KCNA3: variants seen among roughly 807,000 people sequenced by gnomAD.
The protein encoded by KCNA3 is potassium voltage-gated channel subfamily A member 3, also known as RP11-284N8.3.
KCNA3 carries 18 observed loss-of-function variants against 34.3 expected under a neutral mutation model. The ratio of observed to expected loss-of-function variants is 0.52; its 90% CI spans 0.36 to 0.78. KCNA3 has a LOEUF of 0.78. KCNA3 is among the 30% of genes least tolerant of loss of function. The pLI, the probability that KCNA3 is intolerant of heterozygous loss-of-function variation, is 0.00. For missense variants in KCNA3, 587 were observed against 802.5 expected, an observed-to-expected ratio of 0.73 and a Z score of 3.24; for synonymous variants, 324 against 351.7, an observed-to-expected ratio of 0.92 and a Z score of 0.88.
rs765276105 is a variant in KCNA3 at position 110,672,861 on chromosome 1, G to T, written c.*221C>A. 6 of 547,274 alleles carry T rather than the reference G, an allele frequency of 1.1e-5. No homozygotes were observed. The South Asian group carries it at 1.3e-4, about 12-fold the overall frequency. The allele number at this position is 547,274 out of a possible 1,614,324, so 33.9% of individuals were successfully genotyped here. On this transcript the variant is annotated 3_prime_UTR_variant, in exon 1 of 1. Transcript: ENST00000369769. ...TTGTTTACAATGTTAAGAGAGAGAG[G>T]GTAAGAGGGAAAAGGAGAGCTGAGA...
At chr1:110,654,835 G>A in the KCNA3 span, 1 of 152,048 alleles carries the variant, frequency 6.6e-6, no homozygotes, top group South Asian at 2.1e-4. Context: ...CCATTTATTG[G>A]CCATATTATC....
chr1:110,674,593 G>A lies in KCNA3; in HGVS notation c.217C>T (p.Pro73Ser), dbSNP rs539967729. 1.3e-4 allele frequency: 209 copies of A among 1,569,570 alleles called. 1 individual carries two copies. In the South Asian group the frequency reaches 2.3e-3, roughly 17 times the overall value. ...EPEVADGGGA[P>S]PQGGCGGGGC... ...CCGCCGCCACAGCCGCCTTGAGGCG[G>A]GGCCCCTCCACCATCGGCCACCTCC... Residue 73 changes from proline (P) to serine (S), a missense_variant, in exon 1 of 1, where the codon CCG becomes TCG. This residue lies in a region of KCNA3 where 341 missense variants were observed against 355.4 expected (regional missense o/e 0.96). Transcript: ENST00000369769. This position sits in a 1 kb window ranked among gnomAD's most constrained non-coding sequence, Gnocchi z 6.4.
chr1:110,662,570 A>G, the KCNA3 span, among the ~76,000 whole-genome samples: 5 of 152,186 alleles, frequency 3.3e-5, no homozygotes, highest in African/African-American at 1.2e-4. Context: ...TACCAAGTAA[A>G]TGGTAATGAA....
At chr1:110,660,925 G>A in the KCNA3 span, among the ~76,000 whole-genome samples, 2 of 152,294 alleles carry the variant, frequency 1.3e-5, no homozygotes, top group Non-Finnish European at 2.9e-5. Flanking sequence ...ACCCTGGGTA[G>A]TGTCTGACAC....
chr1:110,659,894 T>G, the KCNA3 span, among the ~76,000 whole-genome samples: 1 of 125,682 alleles, frequency 8.0e-6, no homozygotes, highest in Non-Finnish European at 1.6e-5. Context: ...ATGAGATCAC[T>G]CGGACACAAG....
At chr1:110,661,304 A>G in the KCNA3 span, among the ~76,000 whole-genome samples, 15 of 152,246 alleles carry the variant, frequency 9.9e-5, no homozygotes, top group Admixed American at 9.8e-4. Flanking sequence ...TTAACTATCT[A>G]TTGAAATTTT....
At chr1:110,659,422 CAT>C in the KCNA3 span, among the ~76,000 whole-genome samples, 5 of 152,116 alleles carry the variant, frequency 3.3e-5, no homozygotes, top group African/African-American at 1.2e-4. Context: ...TTGTTAGAGA[CAT>C]ATTATTTAAT....
At chr1:110,669,392 A>G (rs1330241072), downstream of KCNA3, among the ~76,000 whole-genome samples, 6 of 152,206 alleles carry the variant, frequency 3.9e-5, no homozygotes, top group Admixed American at 6.5e-5. Context: ...TAAACCAACT[A>G]TAAGAAAATA....
chr1:110,673,055 A>G lies in KCNA3; in HGVS notation c.*27T>C. On this transcript the variant is annotated 3_prime_UTR_variant, in exon 1 of 1. Transcript: ENST00000369769. The surrounding 1 kb of genome is among the most constrained non-coding windows in gnomAD (Gnocchi z 8.8). Reference sequence around the variant, plus strand: ...AGGGGGCACGTTCCACACAATACTGAGCACAGCATGTCACTTGTATCACAT... The same window carrying G: ...AGGGGGCACGTTCCACACAATACTGGGCACAGCATGTCACTTGTATCACAT... 5.0e-6 allele frequency: 8 copies of G among 1,584,192 alleles called. No individual in the cohort carries two copies. Among genetic ancestry groups the G allele is most frequent in the Non-Finnish European group, 6.9e-6 (8 of 1,163,948 alleles).
Position 110,674,270 on chromosome 1 carries a change from G to A in KCNA3, c.540C>T (p.Phe180=). 1 of 1,614,150 alleles carries A rather than the reference G, an allele frequency of 6.2e-7. No individual in the cohort carries two copies. The highest frequency in any genetic ancestry group is 8.5e-7 in the Non-Finnish European group (1 of 1,180,018). ...RRPVNVPIDI[F]SEEIRFYQLG... Reference sequence around the variant, plus strand: ...GCTGGTAGAAGCGGATCTCCTCGGAGAAAATGTCGATGGGCACGTTGACCG... The same window carrying A: ...GCTGGTAGAAGCGGATCTCCTCGGAAAAAATGTCGATGGGCACGTTGACCG... The change falls in exon 1 of 1, where the codon TTC becomes TTT. Residue 180 remains phenylalanine (F), a synonymous_variant. Transcript: ENST00000369769. The surrounding 1 kb of genome is among the most constrained non-coding windows in gnomAD (Gnocchi z 6.4).
the KCNA3 span, chr1:110,655,347 T>G: frequency 6.6e-6 from 1 of 152,058 alleles, no homozygotes; most frequent in South Asian, 2.1e-4. Context: ...AACTAAATAC[T>G]TAACCCCATC....
Position 110,674,375 on chromosome 1 carries a change from G to C in KCNA3, c.435C>G (p.Asn145Lys). 1.2e-6 allele frequency: 2 copies of C among 1,614,168 alleles called. No homozygotes were observed. The highest frequency in any genetic ancestry group is 1.7e-6 in the Non-Finnish European group (2 of 1,180,022). ...GCCGGTTGCGGTCGAAGAAGTACTCGTTGCGGAGCGGGTCGAAGTACCTCA... is the reference window on the plus strand; with the variant it reads ...GCCGGTTGCGGTCGAAGAAGTACTCCTTGCGGAGCGGGTCGAAGTACCTCA... ...RRMRYFDPLRNEYFFDRNRPS... is the reference protein window; with the variant it reads ...RRMRYFDPLRKEYFFDRNRPS... The change falls in exon 1 of 1, where the codon AAC becomes AAG. Residue 145 changes from asparagine (N) to lysine (K), a missense_variant. By Grantham distance (94) the Asn-to-Lys change is moderately conservative (BLOSUM62 0). This residue lies in a region of KCNA3 where 341 missense variants were observed against 355.4 expected (regional missense o/e 0.96). Transcript: ENST00000369769. This position sits in a 1 kb window ranked among gnomAD's most constrained non-coding sequence, Gnocchi z 6.4.
the KCNA3 span, chr1:110,654,037 T>G: frequency 6.6e-6 from 1 of 152,186 alleles, no homozygotes; most frequent in Non-Finnish European, 1.5e-5. Flanking sequence ...ACTGTTGACT[T>G]ACAAGGGAAA....
At chr1:110,669,706 G>A (rs575226848), downstream of KCNA3, among the ~76,000 whole-genome samples, 2 of 152,250 alleles carry the variant, frequency 1.3e-5, no homozygotes, top group African/African-American at 2.4e-5. Context: ...TGAAGTCTTA[G>A]GGAAATCACT....
downstream of KCNA3, among the ~76,000 whole-genome samples, chr1:110,671,206 G>A (rs1216429895): frequency 1.3e-5 from 2 of 152,118 alleles, no homozygotes; most frequent in Non-Finnish European, 2.9e-5. Context: ...TAAAAGGAAC[G>A]GAATAATTTT....
At chr1:110,670,282 T>C (rs1332962262), downstream of KCNA3, among the ~76,000 whole-genome samples, 1 of 152,228 alleles carries the variant, frequency 6.6e-6, no homozygotes, top group Non-Finnish European at 1.5e-5. Context: ...ACACAGAGCT[T>C]ATATCCTTTA....
At chr1:110,656,945 C>T in the KCNA3 span, 1 of 151,900 alleles carries the variant, frequency 6.6e-6, no homozygotes. Context: ...TTCCTTTCAT[C>T]ACAATCAATT....
At chr1:110,659,182 A>C in the KCNA3 span, among the ~76,000 whole-genome samples, 54 of 26,178 alleles carry the variant, frequency 2.1e-3, no homozygotes, top group African/African-American at 5.2e-3. Flanking sequence ...TAATTGAAAA[A>C]AAAAACACAA....
chr1:110,665,947 T>C, the KCNA3 span, among the ~76,000 whole-genome samples: 1 of 152,136 alleles, frequency 6.6e-6, no homozygotes, highest in Non-Finnish European at 1.5e-5. Context: ...GGTGAGAGCC[T>C]TTTGGAGCAG....
Sources: allele counts gnomAD v4.1 joint callset (sites outside exome capture counted in the v4.1 genomes callset), GRCh38; gene constraint gnomAD v4.1.1; regional missense constraint gnomAD v4.1.1; non-coding constraint Gnocchi (gnomAD v3.1); transcripts MANE v1.5; gene names NCBI Gene and HGNC (gene_info 2026-07-23, HGNC 2026-07-21).